Variants in RP1 observed in about 807,000 individuals in gnomAD.
RP1 encodes oxygen-regulated protein 1.
Under a neutral mutation model 14.8 loss-of-function variants are expected in RP1, and 16 were observed. The observed-to-expected ratio is 1.08, with a 90% CI of 0.73 to 1.65. The LOEUF (loss-of-function observed/expected upper bound fraction) is 1.65. Ranked by LOEUF, RP1 falls within the 40% of genes most tolerant of loss-of-function variation. RP1 has a pLI of 0.00. For missense variants in RP1, 2,631 were observed against 2,535.0 expected (o/e 1.04, Z -0.81); for synonymous variants, 876 against 883.6 (o/e 0.99, Z 0.15).
At position 54,789,359 on chromosome 8, in the gene RP1, C is replaced by T. The variant is rs1036801566; in HGVS notation, c.3615+5649C>T. The stretch of plus-strand genomic sequence containing the variant: ...CCATGGAGCCTAACTTACAGCCCTG[C>T]CTGAGCAATGAGCCAAGCCAATGAC... On this transcript the variant is annotated intron_variant, in intron 24 of 28. Transcript: ENST00000637698. Among the ~76,000 whole-genome samples, 6 of 152,186 alleles carry T rather than the reference C, an allele frequency of 3.9e-5. 1 individual carries two copies. Among genetic ancestry groups the T allele is most frequent in the Middle Eastern group, 6.3e-3 (2 of 316 alleles).
chr8:54,589,063 C>T (rs142273678), intron 1 of RP1, among the ~76,000 whole-genome samples: 2 of 152,234 alleles, frequency 1.3e-5, no homozygotes, highest in African/African-American at 4.8e-5. Flanking sequence ...TTTCACTCTA[C>T]CATACTGCTT....
chr8:54,814,526 C>G (rs370333747), intron 24 of RP1, among the ~76,000 whole-genome samples: 89 of 152,242 alleles, frequency 5.8e-4, no homozygotes, highest in African/African-American at 1.7e-3. Flanking sequence ...TTAGAGTTCA[C>G]TGATTAGACT....
intron 24 of RP1, among the ~76,000 whole-genome samples, chr8:54,836,137 G>A (rs941417825): frequency 6.6e-6 from 1 of 152,116 alleles, no homozygotes; most frequent in Non-Finnish European, 1.5e-5. Flanking sequence ...TATTTTAGTA[G>A]AAAAAGGTAG....
chr8:54,683,621 T>C (rs1236762621), intron 12 of RP1, among the ~76,000 whole-genome samples: 1 of 152,198 alleles, frequency 6.6e-6, no homozygotes, highest in African/African-American at 2.4e-5. Context: ...TGTTGGTGTA[T>C]ATGAATGCTT....
In RP1 at chr8:54,629,277, G is replaced by T; in HGVS notation, c.5395G>T (p.Glu1799Ter). ...GNLAPGPTMD[E>*]LSSSELEELT... ...TTTGGCCCCAGGCCCAACGATGGAT[G>T]AACTCTCCTCTTCAGAACTCGAGGA... The change falls in exon 4 of 4, where the codon GAA becomes TAA. Residue 1799 changes from glutamate to a stop codon, truncating the protein, a stop_gained. Transcript: ENST00000220676. LOFTEE classifies it low-confidence loss of function (END_TRUNC). The T allele has an allele frequency of 6.2e-7, 1 of 1,613,676 alleles. No homozygotes were observed. The highest frequency in any genetic ancestry group is 1.1e-5 in the South Asian group (1 of 91,004).
chr8:54,584,202 C>A (rs1005808408), intron 1 of RP1, among the ~76,000 whole-genome samples: 28 of 152,152 alleles, frequency 1.8e-4, no homozygotes, highest in Non-Finnish European at 7.3e-5. Flanking sequence ...TATGTTGTGT[C>A]TTTGTTCTCA....
chr8:54,848,812 G>A lies in RP1; in HGVS notation c.3836-3762G>A, dbSNP rs185643788. Among the ~76,000 whole-genome samples, 10 of 152,156 alleles carry A rather than the reference G, an allele frequency of 6.6e-5. No homozygotes were observed. The East Asian group carries it at 1.7e-3, about 26-fold the overall frequency. Reference sequence around the variant, plus strand: ...TGCCCAGGCTAGAGTGCAGTGGCACGATCTCGGCTCACTGCAACCTCCACC... The same window carrying A: ...TGCCCAGGCTAGAGTGCAGTGGCACAATCTCGGCTCACTGCAACCTCCACC... On this transcript the variant is annotated intron_variant, in intron 25 of 28. Coordinates refer to the RP1 transcript ENST00000637698.
At chr8:54,652,686 G>A (rs1806679468) in intron 4 of RP1, 2 of 767,142 alleles carry the variant, frequency 2.6e-6, no homozygotes, top group East Asian at 2.7e-5. Context: ...TTAATGAATT[G>A]ACCCCTTTAT....
chr8:54,790,248 C>G (rs1399733259), intron 24 of RP1, among the ~76,000 whole-genome samples: 1 of 152,180 alleles, frequency 6.6e-6, no homozygotes, highest in South Asian at 2.1e-4. Flanking sequence ...AGATGTCTTG[C>G]CCAATTGGAG....
intron 13 of RP1, chr8:54,701,397 G>T (rs1808013042): frequency 9.5e-7 from 1 of 1,053,396 alleles, no homozygotes; most frequent in African/African-American, 1.6e-5. Context: ...ATAAAATGAA[G>T]TAGACACCTG....
intron 5 of RP1, among the ~76,000 whole-genome samples, chr8:54,653,837 A>G (rs1377348107): frequency 1.3e-5 from 2 of 152,210 alleles, no homozygotes; most frequent in Non-Finnish European, 2.9e-5. Flanking sequence ...ATGATCATAT[A>G]TGACAATATC....
At chr8:54,559,864 AG>A (rs1489388636) in intron 1 of RP1, among the ~76,000 whole-genome samples, 1 of 152,210 alleles carries the variant, frequency 6.6e-6, no homozygotes, top group African/African-American at 2.4e-5. Context: ...GAATGTAAAA[AG>A]AGTATGGACA....
chr8:54,748,988 G>A lies in RP1; in HGVS notation c.2809-5815G>A, dbSNP rs1244484707. On this transcript the variant is annotated intron_variant, in intron 19 of 22. Transcript: ENST00000636932. ...TACATCCAGTGTTCAGTAGACAAATGGCCACATGGGTAGCTCTCAGAAAGT... is the reference window on the plus strand; with the variant it reads ...TACATCCAGTGTTCAGTAGACAAATAGCCACATGGGTAGCTCTCAGAAAGT... Among the ~76,000 whole-genome samples, 6 of 151,932 alleles carry A rather than the reference G, an allele frequency of 3.9e-5. No individual in the cohort carries two copies. The South Asian group carries it at 1.2e-3, about 32-fold the overall frequency.
At chr8:54,869,035 C>A (rs143129006) in intron 28 of RP1, among the ~76,000 whole-genome samples, 6 of 152,198 alleles carry the variant, frequency 3.9e-5, no homozygotes, top group African/African-American at 1.4e-4. Flanking sequence ...CATGGTAAAG[C>A]CAGAACTGCA....
At chr8:54,567,772 G>A (rs1433068631) in intron 1 of RP1, among the ~76,000 whole-genome samples, 4 of 152,162 alleles carry the variant, frequency 2.6e-5, no homozygotes, top group Admixed American at 1.3e-4. Flanking sequence ...GGTGTGATCT[G>A]TGATTACTTC....
chr8:54,848,877 T>C (rs1358895978), intron 25 of RP1, among the ~76,000 whole-genome samples: 1 of 151,964 alleles, frequency 6.6e-6, no homozygotes, highest in Non-Finnish European at 1.5e-5. Context: ...GCCTCCCGAG[T>C]AGCTGAGATT....
exon 15 of RP1, chr8:54,706,551 T>A: frequency 6.5e-7 from 1 of 1,535,976 alleles, no homozygotes; most frequent in South Asian, 1.2e-5. Flanking sequence ...GTCTGAAAAA[T>A]CCTACTGGAA....
intron 24 of RP1, among the ~76,000 whole-genome samples, chr8:54,796,107 G>A (rs555111472): frequency 2.0e-4 from 31 of 152,192 alleles, no homozygotes; most frequent in Non-Finnish European, 4.0e-4. Flanking sequence ...ATAGTGCAGT[G>A]ATAGGTGTGA....
intron 14 of RP1, among the ~76,000 whole-genome samples, chr8:54,701,856 C>T (rs900819286): frequency 6.6e-6 from 1 of 152,102 alleles, no homozygotes; most frequent in African/African-American, 2.4e-5. Context: ...AGCAATGACA[C>T]TCTGAGGGGA....
Sources: gnomAD v4.1 joint callset for allele counts (sites outside exome capture counted in the v4.1 genomes callset) on GRCh38, gnomAD v4.1.1 for gene constraint, MANE v1.5 for transcripts, NCBI Gene and HGNC (gene_info 2026-07-23, HGNC 2026-07-21) for gene names.